Variants in OSMR observed in about 807,000 individuals in gnomAD.
The protein encoded by OSMR is oncostatin-M-specific receptor subunit beta.
A neutral mutation model predicts 99.9 loss-of-function variants in OSMR; 81 were observed. The observed-to-expected ratio is 0.81, with a 90% CI of 0.68 to 0.97. The LOEUF (loss-of-function observed/expected upper bound fraction) is 0.97, where lower values mean the gene tolerates loss of function less well. OSMR is among the 50% of genes least tolerant of loss of function. The probability of loss-of-function intolerance (pLI) is 0.00; values close to 1 mark genes in which losing one functional copy is unlikely to be tolerated. For missense variants in OSMR, 1,099 were observed against 1,153.4 expected (o/e 0.95, Z 0.68); for synonymous variants, 406 against 410.4 (o/e 0.99, Z 0.13).
chr5:38,869,384 C>A (rs993162042), intron 2 of OSMR, among the ~76,000 whole-genome samples: 9 of 152,170 alleles, frequency 5.9e-5, no homozygotes, highest in Non-Finnish European at 1.3e-4. Flanking sequence ...TGTAAATAGA[C>A]CTAATCCCAT....
At chr5:38,869,167 G>C in intron 2 of OSMR, 50 bp downstream of exon 2, 1 of 1,312,318 alleles carries the variant, frequency 7.6e-7, no homozygotes, top group Non-Finnish European at 1.1e-6. Flanking sequence ...GGGAACAAAT[G>C]AAGTCATTGA....
chr5:38,878,324 G>C (rs779563938), intron 3 of OSMR, among the ~76,000 whole-genome samples: 1 of 152,106 alleles, frequency 6.6e-6, no homozygotes, highest in Non-Finnish European at 1.5e-5. Flanking sequence ...GTGCAAGCCT[G>C]ACAGGGCACT....
At chr5:38,906,257 A>G (rs1156981541) in intron 9 of OSMR, among the ~76,000 whole-genome samples, 1 of 152,038 alleles carries the variant, frequency 6.6e-6, no homozygotes, top group Non-Finnish European at 1.5e-5. Context: ...TTTAGATTAT[A>G]GTAATAATCT....
chr5:38,915,432 A>G (rs1225019282), intron 9 of OSMR, among the ~76,000 whole-genome samples: 1 of 152,186 alleles, frequency 6.6e-6, no homozygotes, highest in Non-Finnish European at 1.5e-5. Flanking sequence ...GAAAAGTTGG[A>G]AGAGTTGGAA....
At chr5:38,877,247 C>T (rs1742911180) in intron 3 of OSMR, among the ~76,000 whole-genome samples, 1 of 152,220 alleles carries the variant, frequency 6.6e-6, no homozygotes, top group Admixed American at 6.5e-5. Context: ...CTCCTGTCTT[C>T]ACCCAGGTAG....
chr5:38,933,624 T>C lies in OSMR; in HGVS notation c.*180T>C, dbSNP rs1746887376. The C allele has an allele frequency of 7.7e-6, 5 of 650,116 alleles. No homozygotes were observed. Among genetic ancestry groups the C allele is most frequent in the South Asian group, 1.8e-5 (1 of 54,904 alleles). The allele number at this position is 650,116 out of a possible 1,614,324, so 40.3% of individuals were successfully genotyped here. ...AGGCTATGGAACTTAACACTCCCCA[T>C]TGGAGCAAGCTTGCCCTAGAGACGG... is the stretch of plus-strand genomic sequence containing the variant. On this transcript the variant is annotated 3_prime_UTR_variant, in exon 18 of 18. Coordinates refer to ENST00000274276, the MANE Select transcript of OSMR (RefSeq NM_003999.3).
chr5:38,856,929 A>G (rs191343129), intron 1 of OSMR, among the ~76,000 whole-genome samples: 13 of 152,330 alleles, frequency 8.5e-5, no homozygotes, highest in Admixed American at 8.5e-4. Flanking sequence ...AGCATGAGCC[A>G]TCATGCCTGG....
chr5:38,886,852 A>G (rs150401365), intron 7 of OSMR, among the ~76,000 whole-genome samples: 33 of 152,286 alleles, frequency 2.2e-4, no homozygotes, highest in Admixed American at 7.2e-4. Context: ...TTTCTTGCAT[A>G]TATACTTAAG....
At chr5:38,891,092 T>C (rs1744128942) in intron 7 of OSMR, among the ~76,000 whole-genome samples, 1 of 152,204 alleles carries the variant, frequency 6.6e-6, no homozygotes, top group Admixed American at 6.5e-5. Context: ...CTATTTACAA[T>C]ATCTTTGTTC....
At chr5:38,863,992 A>G (rs898376044) in intron 1 of OSMR, among the ~76,000 whole-genome samples, 1 of 152,098 alleles carries the variant, frequency 6.6e-6, no homozygotes, top group Admixed American at 6.6e-5. Flanking sequence ...TTTGATTTCA[A>G]TTTGCATAGA....
At chr5:38,862,015 A>C (rs1248364855) in intron 1 of OSMR, among the ~76,000 whole-genome samples, 1 of 113,946 alleles carries the variant, frequency 8.8e-6, no homozygotes, top group Non-Finnish European at 1.8e-5. Context: ...CTGGCCGGGC[A>C]GAGGGGCTCC....
chr5:38,865,150 T>A (rs1044218442), intron 1 of OSMR, among the ~76,000 whole-genome samples: 5 of 152,248 alleles, frequency 3.3e-5, no homozygotes, highest in African/African-American at 1.2e-4. Context: ...TTGTCCTGAT[T>A]TCTTTGAATT....
chr5:38,909,714 A>G (rs1745454127), intron 9 of OSMR, among the ~76,000 whole-genome samples: 1 of 152,216 alleles, frequency 6.6e-6, no homozygotes, highest in South Asian at 2.1e-4. Context: ...GCCTTAGAGG[A>G]GATCCTTAAG....
chr5:38,939,749 C>T, downstream of OSMR: 1 of 228,310 alleles, frequency 4.4e-6, no homozygotes, highest in South Asian at 1.8e-4. Context: ...TCTTTAAAAA[C>T]TACAGTATTG....
chr5:38,860,713 C>T (rs1482404477), intron 1 of OSMR, among the ~76,000 whole-genome samples: 1 of 152,124 alleles, frequency 6.6e-6, no homozygotes, highest in Non-Finnish European at 1.5e-5. Context: ...GCTGTTGTCG[C>T]CCAGGCTGGA....
intron 13 of OSMR, 21 bp downstream of exon 13, chr5:38,923,275 G>A: frequency 7.3e-7 from 1 of 1,368,434 alleles, no homozygotes; most frequent in Non-Finnish European, 1.0e-6. Flanking sequence ...AGCATGTAAT[G>A]TGCCCCATGT....
At chr5:38,854,032 G>A (rs71621886) in intron 1 of OSMR, among the ~76,000 whole-genome samples, 7 of 150,954 alleles carry the variant, frequency 4.6e-5, no homozygotes, top group Non-Finnish European at 8.8e-5. Flanking sequence ...TATATAACTG[G>A]CAGTACTCTT....
At chr5:38,881,120 T>G (rs1218114882) in intron 3 of OSMR, among the ~76,000 whole-genome samples, 1 of 152,188 alleles carries the variant, frequency 6.6e-6, no homozygotes, top group African/African-American at 2.4e-5. Flanking sequence ...CATGAAAGAC[T>G]GCTTTCTTGA....
intron 1 of OSMR, chr5:38,940,915 T>C (rs577263429): frequency 4.6e-4 from 108 of 232,530 alleles, no homozygotes; most frequent in Non-Finnish European, 7.5e-4. Context: ...TGATGTGTAA[T>C]TGTAATAAAA....
Sources: allele counts gnomAD v4.1 joint callset (sites outside exome capture counted in the v4.1 genomes callset), GRCh38; gene constraint gnomAD v4.1.1; transcripts MANE v1.5; gene names NCBI Gene and HGNC (gene_info 2026-07-23, HGNC 2026-07-21).